The following HAPLN2 variants were observed in gnomAD, a reference collection of about 807,000 sequenced individuals.
HAPLN2 encodes brain link protein-1.
Under a neutral mutation model 29.3 loss-of-function variants are expected in HAPLN2, and 27 were observed. That is an observed-to-expected ratio of 0.92 (90% confidence interval 0.68 to 1.27). The LOEUF (loss-of-function observed/expected upper bound fraction) is 1.27. Ranked by LOEUF, HAPLN2 falls within the 50% of genes most tolerant of loss-of-function variation. HAPLN2 has a pLI of 0.00. For synonymous variants in HAPLN2, 208 were observed against 211.7 expected (o/e 0.98, Z 0.15); for missense variants, 454 against 484.3 (o/e 0.94, Z 0.59).
chr1:156,613,116 CGAGGCAGGCGGATTGT>C, the HAPLN2 span, among the ~76,000 whole-genome samples: 1 of 151,972 alleles, frequency 6.6e-6, no homozygotes, highest in African/African-American at 2.4e-5. Flanking sequence ...TTTGGGAGGC[CGAGGCAGGCGGATTGT>C]GAGGTCAGGA....
chr1:156,625,298 G>C lies in HAPLN2; in HGVS notation c.937G>C (p.Gly313Arg), dbSNP rs894683467. 1.3e-6 allele frequency: 2 copies of C among 1,581,534 alleles called. No individual in the cohort carries two copies. Among genetic ancestry groups the C allele is most frequent in the African/African-American group, 2.7e-5 (2 of 74,082 alleles). ...CACCACGCCGAGGCCGCGCTGCGGG[G>C]GGCTCCCGGATCCCGGAGTGCGCAG... ...PITTPRPRCG[G>R]LPDPGVRSFG... The change falls in exon 7 of 7, where the codon GGG becomes CGG. Residue 313 changes from glycine to arginine, a missense_variant. This residue lies in a region of HAPLN2 where 235 missense variants were observed against 236.9 expected (regional missense o/e 0.99). Transcript: ENST00000255039. The surrounding 1 kb of genome is among the most constrained non-coding windows in gnomAD (Gnocchi z 5.7).
In HAPLN2 at chr1:156,625,310, C is replaced by T. The variant is rs375710857; in HGVS notation, c.949C>T (p.Pro317Ser). The stretch of plus-strand genomic sequence containing the variant: ...GCCGCGCTGCGGGGGGCTCCCGGAT[C>T]CCGGAGTGCGCAGTTTCGGCTTCCC... ...PRPRCGGLPD[P>S]GVRSFGFPRP... The change falls in exon 7 of 7, where the codon CCC becomes TCC. Residue 317 changes from proline (P) to serine (S), a missense_variant. Pro to Ser is a moderately conservative substitution (Grantham distance 74). Transcript: ENST00000255039. The surrounding 1 kb of genome is among the most constrained non-coding windows in gnomAD (Gnocchi z 5.7). The T allele has an allele frequency of 3.8e-5, 60 of 1,587,960 alleles. No individual in the cohort carries two copies. The highest frequency in any genetic ancestry group is 4.8e-5 in the Non-Finnish European group (56 of 1,168,248).
At chr1:156,623,721 G>A (rs1678333941) in intron 3 of HAPLN2, 86 bp from the exon 4 acceptor site, 1 of 1,487,064 alleles carries the variant, frequency 6.7e-7, no homozygotes, top group East Asian at 2.5e-5. Flanking sequence ...GGGGGCTCTG[G>A]AGAAAGCATT....
At chr1:156,623,073 T>TAAATA (rs1553235364) in intron 2 of HAPLN2, among the ~76,000 whole-genome samples, 5 of 131,688 alleles carry the variant, frequency 3.8e-5, no homozygotes, top group African/African-American at 8.4e-5. Context: ...AATAAATAAA[T>TAAATA]AAATAAAATA....
the HAPLN2 span, among the ~76,000 whole-genome samples, chr1:156,613,916 C>CAAAA: frequency 1.7e-5 from 2 of 115,720 alleles, no homozygotes; most frequent in Admixed American, 9.3e-5. Context: ...GATTCCTTCT[C>CAAAA]AAAAAAAAAA....
chr1:156,612,994 A>C, the HAPLN2 span, among the ~76,000 whole-genome samples: 63 of 152,350 alleles, frequency 4.1e-4, 1 homozygote, highest in East Asian at 0.012. Context: ...GAGAACCAAT[A>C]AGGAGACAAA....
chr1:156,623,135 A>G (rs1375331321), intron 2 of HAPLN2, among the ~76,000 whole-genome samples: 1 of 152,068 alleles, frequency 6.6e-6, no homozygotes, highest in Non-Finnish European at 1.5e-5. Flanking sequence ...AAGATGGAGA[A>G]TGGGTGTTGG....
At chr1:156,603,914 T>C in the HAPLN2 span, among the ~76,000 whole-genome samples, 1 of 152,144 alleles carries the variant, frequency 6.6e-6, no homozygotes, top group Non-Finnish European at 1.5e-5. Context: ...GGGGATAAGA[T>C]GAGAAGCATC....
In HAPLN2 at chr1:156,624,622, G is replaced by A; in HGVS notation, c.578G>A (p.Trp193Ter). ...CCAGCTTGGACCGAGGGTCTGGACTGGTGTAACGCGGGCTGGCTGCTCGAG... is the reference window on the plus strand; with the variant it reads ...CCAGCTTGGACCGAGGGTCTGGACTAGTGTAACGCGGGCTGGCTGCTCGAG... ...LYQAWTEGLD[W>*]CNAGWLLEGS... Residue 193 changes from tryptophan (W) to a stop codon, truncating the protein, a stop_gained, in exon 6 of 7, where the codon TGG becomes TAG. Coordinates refer to ENST00000255039, the MANE Select transcript of HAPLN2 (RefSeq NM_021817.3). LOFTEE classifies it high-confidence loss of function. 6.2e-7 allele frequency: 1 copy of A among 1,612,842 alleles called. No homozygotes were observed. The highest frequency in any genetic ancestry group is 8.5e-7 in the Non-Finnish European group (1 of 1,179,648).
upstream of HAPLN2, among the ~76,000 whole-genome samples, chr1:156,614,371 C>T (rs542921048): frequency 6.6e-6 from 1 of 152,072 alleles, no homozygotes; most frequent in Non-Finnish European, 1.5e-5. Flanking sequence ...ATCACAGGCA[C>T]GCGCCACCAC....
At position 156,625,644 on chromosome 1, in the gene HAPLN2, A is replaced by T; in HGVS notation, c.*260A>T. The stretch of plus-strand genomic sequence containing the variant: ...GTTCGCGAACCCTAGCAGAGGACTC[A>T]GCCACCGCCGGGGGGAGGGTGAGGC... On this transcript the variant is annotated 3_prime_UTR_variant, in exon 7 of 7. Transcript: ENST00000255039. This position sits in a 1 kb window ranked among gnomAD's most constrained non-coding sequence, Gnocchi z 5.7. 2.3e-6 allele frequency: 1 copy of T among 437,090 alleles called. No individual in the cohort carries two copies. Among genetic ancestry groups the T allele is most frequent in the Non-Finnish European group, 4.0e-6 (1 of 248,708 alleles). 27.1% of individuals were successfully genotyped at this position (437,090 alleles called of 1,614,324 possible). A position where few individuals can be genotyped will look rare whatever the true frequency, so the allele number is the denominator to read the frequency against.
At chr1:156,605,183 T>C in the HAPLN2 span, among the ~76,000 whole-genome samples, 1 of 151,816 alleles carries the variant, frequency 6.6e-6, no homozygotes, top group Admixed American at 6.6e-5. Context: ...CGAGGATCGC[T>C]TGAACCTGGG....
the HAPLN2 span, among the ~76,000 whole-genome samples, chr1:156,610,180 C>CTTCA: frequency 1.3e-5 from 2 of 152,084 alleles, no homozygotes; most frequent in Admixed American, 6.5e-5. Flanking sequence ...CACCACTGCA[C>CTTCA]TTCAGCCTGG....
the HAPLN2 span, among the ~76,000 whole-genome samples, chr1:156,607,854 A>G: frequency 3.3e-5 from 5 of 152,128 alleles, no homozygotes; most frequent in African/African-American, 1.2e-4. Flanking sequence ...TGTGGTTGCA[A>G]TGAGTGTGGG....
chr1:156,621,765 A>AGGAGGAG (rs1192399672), intron 2 of HAPLN2, among the ~76,000 whole-genome samples: 1 of 150,476 alleles, frequency 6.6e-6, no homozygotes, highest in East Asian at 2.0e-4. Flanking sequence ...GTTACAATAA[A>AGGAGGAG]GGAGGAGCTG....
chr1:156,609,845 C>T, the HAPLN2 span, among the ~76,000 whole-genome samples: 4,726 of 152,286 alleles, frequency 0.031, 96 homozygotes, highest in Middle Eastern at 0.071. Context: ...ATAATCTATA[C>T]ACCAAACCCC....
chr1:156,619,515 C>G lies in HAPLN2; in HGVS notation c.-186C>G, dbSNP rs999646337. The G allele has an allele frequency of 6.6e-6, 1 of 152,262 alleles. No individual in the cohort carries two copies. The highest frequency in any genetic ancestry group is 1.5e-5 in the Non-Finnish European group (1 of 68,146). 9.4% of individuals were successfully genotyped at this position (152,262 alleles called of 1,614,324 possible). ...AGTCTGTTTGCAAAGGCAATGCGCA[C>G]TCAGGCACCAGAGGGCAGAGGTGAG... On this transcript the variant is annotated 5_prime_UTR_variant, in exon 1 of 7. Coordinates refer to ENST00000255039, the MANE Select transcript of HAPLN2 (RefSeq NM_021817.3).
At chr1:156,609,439 ATGT>A in the HAPLN2 span, among the ~76,000 whole-genome samples, 16 of 152,218 alleles carry the variant, frequency 1.1e-4, no homozygotes, top group Non-Finnish European at 2.2e-4. Flanking sequence ...TCACTTTTTA[ATGT>A]TGTTATGTTT....
At chr1:156,619,152 C>T (rs1414679001), upstream of HAPLN2, 1 of 152,122 alleles carries the variant, frequency 6.6e-6, no homozygotes, top group Non-Finnish European at 1.5e-5. Flanking sequence ...ACCTTTTCAC[C>T]ATCCGTTCTC....
Sources: allele counts gnomAD v4.1 joint callset (sites outside exome capture counted in the v4.1 genomes callset), GRCh38; gene constraint gnomAD v4.1.1; regional missense constraint gnomAD v4.1.1; non-coding constraint Gnocchi (gnomAD v3.1); transcripts MANE v1.5; gene names NCBI Gene and HGNC (gene_info 2026-07-23, HGNC 2026-07-21).